FKBP5: variants seen among roughly 807,000 people sequenced by gnomAD.
FKBP5 encodes the protein peptidyl-prolyl cis-trans isomerase FKBP5.
A neutral mutation model predicts 50.5 loss-of-function variants in FKBP5; 23 were observed. That is an observed-to-expected ratio of 0.46 (90% CI 0.33 to 0.65). The LOEUF (loss-of-function observed/expected upper bound fraction) is 0.65. FKBP5 is among the 30% of genes least tolerant of loss of function. The pLI is 0.02. For missense variants in FKBP5, 411 were observed against 553.1 expected (o/e 0.74, Z 2.58); for synonymous variants, 176 against 190.6 (o/e 0.92, Z 0.63).
At chr6:35,585,555 T>C (rs751296615) in intron 8 of FKBP5, 136 of 985,276 alleles carry the variant, frequency 1.4e-4, no homozygotes, top group Non-Finnish European at 1.5e-4. Context: ...AAAGCCCATT[T>C]TTCCCAATTC....
At chr6:35,593,736 G>C (rs990164260) in intron 6 of FKBP5, among the ~76,000 whole-genome samples, 2 of 151,866 alleles carry the variant, frequency 1.3e-5, no homozygotes, top group African/African-American at 2.4e-5. Context: ...TATATTTTTA[G>C]TAGAGACGGG....
chr6:35,714,257 GC>G (rs1159271570), intron 2 of FKBP5, among the ~76,000 whole-genome samples: 3 of 143,798 alleles, frequency 2.1e-5, no homozygotes, highest in Non-Finnish European at 4.5e-5. Flanking sequence ...TTCAAGACCA[GC>G]CTGGCCAACA....
Position 35,574,149 on chromosome 6 carries a change from G to A in FKBP5, c.*1686C>T, listed in dbSNP as rs1762143856. 6.6e-6 allele frequency: 1 copy of A among 152,146 alleles called. No homozygotes were observed. Among genetic ancestry groups the A allele is most frequent in the African/African-American group, 2.4e-5 (1 of 41,428 alleles). 9.4% of individuals were successfully genotyped at this position (152,146 alleles called of 1,614,324 possible). A position where few individuals can be genotyped will look rare whatever the true frequency, so the allele number is the denominator to read the frequency against. On this transcript the variant is annotated 3_prime_UTR_variant, in exon 11 of 11. Transcript: ENST00000357266. ...AGACAAAAGCATAAATGAGAAATTA[G>A]AGGGATTTTAGTTATCATTAAAGGA...
intron 1 of FKBP5, among the ~76,000 whole-genome samples, chr6:35,668,607 C>A (rs1483371166): frequency 1.3e-5 from 2 of 151,888 alleles, no homozygotes; most frequent in African/African-American, 4.8e-5. Context: ...TTATAAGTCA[C>A]CTCTTTTGTT....
chr6:35,578,637 C>G (rs973487582), intron 9 of FKBP5, among the ~76,000 whole-genome samples: 1 of 151,422 alleles, frequency 6.6e-6, no homozygotes, highest in South Asian at 2.1e-4. Context: ...GTGTGGTGGT[C>G]GGCACCTGTG....
chr6:35,579,968 G>A, intron 9 of FKBP5, 68 bp downstream of exon 9: 1 of 1,201,294 alleles, frequency 8.3e-7, no homozygotes, highest in East Asian at 2.5e-5. Context: ...CTGAGAGGAA[G>A]CAAAAGACAG....
At chr6:35,579,657 T>C (rs907824280) in intron 9 of FKBP5, among the ~76,000 whole-genome samples, 12 of 152,338 alleles carry the variant, frequency 7.9e-5, no homozygotes, top group Non-Finnish European at 1.2e-4. Flanking sequence ...ATATGAACAG[T>C]TGCAGTCTGT....
chr6:35,725,587 A>G (rs1009712955), intron 1 of FKBP5, among the ~76,000 whole-genome samples: 2 of 152,096 alleles, frequency 1.3e-5, no homozygotes, highest in African/African-American at 4.8e-5. Context: ...CCCCAGCAAG[A>G]GTTTAGAACC....
chr6:35,718,151 C>T (rs1303722453), intron 2 of FKBP5, among the ~76,000 whole-genome samples: 3 of 152,002 alleles, frequency 2.0e-5, no homozygotes, highest in African/African-American at 7.3e-5. Flanking sequence ...TTGAATTAGG[C>T]CATAAACGAT....
chr6:35,584,772 A>G, intron 8 of FKBP5: 1 of 985,362 alleles, frequency 1.0e-6, no homozygotes, highest in African/African-American at 1.7e-5. Context: ...AATGTTTTGA[A>G]AAATTTTGCC....
At chr6:35,693,114 A>C (rs1766020784), upstream of FKBP5, among the ~76,000 whole-genome samples, 2 of 142,538 alleles carry the variant, frequency 1.4e-5, no homozygotes, top group East Asian at 2.1e-4. Context: ...TCTTAAACCC[A>C]ACCATTGAGC....
chr6:35,578,134 TA>T (rs1018005810), intron 9 of FKBP5, among the ~76,000 whole-genome samples: 60 of 151,654 alleles, frequency 4.0e-4, no homozygotes, highest in African/African-American at 1.2e-3. Flanking sequence ...ATTTACATAT[TA>T]AAAAAAACCA....
chr6:35,711,686 T>C (rs561049893), intron 2 of FKBP5, among the ~76,000 whole-genome samples: 6 of 152,092 alleles, frequency 3.9e-5, no homozygotes, highest in Admixed American at 1.3e-4. Context: ...AGGGAAGCTT[T>C]TAGAGTGGAG....
At chr6:35,643,580 T>C (rs1046790671) in intron 1 of FKBP5, among the ~76,000 whole-genome samples, 1 of 152,170 alleles carries the variant, frequency 6.6e-6, no homozygotes, top group Non-Finnish European at 1.5e-5. Flanking sequence ...GCTGCCATTA[T>C]TTTATTTTAC....
chr6:35,689,658 T>C (rs1181860180), upstream of FKBP5, among the ~76,000 whole-genome samples: 3 of 151,870 alleles, frequency 2.0e-5, no homozygotes, highest in African/African-American at 7.3e-5. Context: ...CTAGCCAACA[T>C]GGTGAAACCC....
At chr6:35,653,922 T>C (rs1185617890) in intron 1 of FKBP5, among the ~76,000 whole-genome samples, 1 of 152,122 alleles carries the variant, frequency 6.6e-6, no homozygotes, top group Non-Finnish European at 1.5e-5. Flanking sequence ...ATTCCATGAA[T>C]AAAAATTTAT....
At chr6:35,637,457 CTTTTTTTTTTT>C (rs71002581) in intron 2 of FKBP5, among the ~76,000 whole-genome samples, 1,041 of 73,454 alleles carry the variant, frequency 0.014, 13 homozygotes, top group African/African-American at 0.046. Flanking sequence ...ACAGTAAACT[CTTTTTTTTTTT>C]TTTTTTTTTT....
chr6:35,580,424 G>A (rs1287198447), intron 8 of FKBP5: 2 of 532,426 alleles, frequency 3.8e-6, no homozygotes, highest in Non-Finnish European at 6.7e-6. Context: ...CAGTGCCTGA[G>A]CACTGCCTAG....
chr6:35,591,183 T>C lies in FKBP5; in HGVS notation c.703A>G (p.Ile235Val), dbSNP rs1762810000. ...FGEAGKPKFG[I>V]EPNAELIYEV... The stretch of plus-strand genomic sequence containing the variant: ...TATATAAGCTCAGCATTAGGTTCAA[T>C]GCCAAATTTAGGCTTCCCTGCCTCT... The change falls in exon 7 of 11, where the codon ATT becomes GTT. Residue 235 changes from isoleucine to valine, a missense_variant. By Grantham distance (29) the Ile-to-Val change is conservative. Around this residue, in one of 3 missense-constraint regions of FKBP5, gnomAD observed 267 missense variants for 405.9 expected, o/e 0.66. Coordinates refer to ENST00000357266, the MANE Select transcript of FKBP5 (RefSeq NM_004117.4). 1.9e-6 allele frequency: 3 copies of C among 1,613,256 alleles called. No individual in the cohort carries two copies. The South Asian group carries it at 3.3e-5, about 18-fold the overall frequency.
Sources: allele counts gnomAD v4.1 joint callset (sites outside exome capture counted in the v4.1 genomes callset), GRCh38; gene constraint gnomAD v4.1.1; regional missense constraint gnomAD v4.1.1; transcripts MANE v1.5; gene names NCBI Gene and HGNC (gene_info 2026-07-23, HGNC 2026-07-21).